Variants in STK3 observed in about 807,000 individuals in gnomAD.
STK3 encodes serine/threonine kinase 3.
Under a neutral mutation model 58.0 loss-of-function variants are expected in STK3, and 41 were observed. The observed-to-expected ratio is 0.71, with a 90% confidence interval of 0.55 to 0.92. STK3 has a LOEUF of 0.92. Among genes scored for constraint, STK3 ranks in the 40% least tolerant of loss-of-function variants. STK3 has a pLI of 0.00. For missense variants in STK3, 479 were observed against 602.7 expected (o/e 0.79, Z 2.15); for synonymous variants, 170 against 191.0 (o/e 0.89, Z 0.91).
intron 6 of STK3, among the ~76,000 whole-genome samples, chr8:98,648,586 A>T (rs911978176): frequency 2.0e-5 from 3 of 152,160 alleles, no homozygotes; most frequent in African/African-American, 7.2e-5. Flanking sequence ...TAACATTTTT[A>T]ATTTTGGATA....
chr8:98,354,016 G>A, the STK3 span, among the ~76,000 whole-genome samples: 4 of 152,174 alleles, frequency 2.6e-5, no homozygotes, highest in African/African-American at 9.7e-5. Context: ...TTTGGGGCAG[G>A]CCTGAGCCTG....
intron 3 of STK3, among the ~76,000 whole-genome samples, chr8:98,842,636 C>A (rs1259586030): frequency 6.6e-6 from 1 of 152,110 alleles, no homozygotes; most frequent in Non-Finnish European, 1.5e-5. Flanking sequence ...CTTGATCACA[C>A]CATTGCACTC....
chr8:98,785,504 G>A (rs978081426), intron 1 of STK3, among the ~76,000 whole-genome samples: 1 of 152,144 alleles, frequency 6.6e-6, no homozygotes, highest in Non-Finnish European at 1.5e-5. Flanking sequence ...CTTGCCACTG[G>A]AGGGTCTGGC....
At chr8:98,697,486 T>G (rs528058336) in intron 6 of STK3, among the ~76,000 whole-genome samples, 2 of 152,246 alleles carry the variant, frequency 1.3e-5, no homozygotes, top group Non-Finnish European at 2.9e-5. Context: ...CTTTCTCTTG[T>G]GGGCATTTAA....
chr8:98,391,185 G>T (rs1817845922), upstream of STK3, among the ~76,000 whole-genome samples: 1 of 152,156 alleles, frequency 6.6e-6, no homozygotes, highest in Non-Finnish European at 1.5e-5. Flanking sequence ...TGCTATTTTT[G>T]TCTTAGCAGG....
chr8:98,905,349 T>C (rs1024361280), intron 1 of STK3: 3 of 982,680 alleles, frequency 3.1e-6, no homozygotes, highest in Admixed American at 3.4e-5. Flanking sequence ...TTTCACGATG[T>C]CACATTCAAT....
At chr8:98,938,687 C>A (rs921885882) in intron 1 of STK3, among the ~76,000 whole-genome samples, 9 of 152,084 alleles carry the variant, frequency 5.9e-5, no homozygotes, top group African/African-American at 2.2e-4. Context: ...CCCTGGCCCA[C>A]CCGTGGTCCC....
chr8:98,711,687 G>A (rs1826461883), intron 4 of STK3, among the ~76,000 whole-genome samples: 1 of 152,196 alleles, frequency 6.6e-6, no homozygotes, highest in African/African-American at 2.4e-5. Flanking sequence ...TGGGGAGAAT[G>A]AAACCAAGTT....
upstream of STK3, among the ~76,000 whole-genome samples, chr8:98,828,244 G>A (rs1453607798): frequency 2.0e-5 from 3 of 151,916 alleles, no homozygotes; most frequent in Non-Finnish European, 4.4e-5. Flanking sequence ...CCAAAGTGCT[G>A]TGATTACAGG....
chr8:98,833,801 A>AG (rs1835639337), intron 3 of STK3, among the ~76,000 whole-genome samples: 1 of 152,090 alleles, frequency 6.6e-6, no homozygotes, highest in East Asian at 1.9e-4. Context: ...TAGTCAGTTG[A>AG]GGGGGGTTAG....
chr8:98,862,622 T>C (rs757495184), intron 3 of STK3, among the ~76,000 whole-genome samples: 1 of 152,240 alleles, frequency 6.6e-6, no homozygotes, highest in Admixed American at 6.5e-5. Context: ...TTTAGAGACA[T>C]TGGAACTCTC....
intron 3 of STK3, chr8:98,427,447 G>A (rs1237358188): frequency 6.6e-6 from 1 of 152,080 alleles, no homozygotes; most frequent in Non-Finnish European, 1.5e-5. Flanking sequence ...GGGGACGCGG[G>A]GGCTGCAGGC....
chr8:98,731,079 G>A (rs925601554), intron 4 of STK3, among the ~76,000 whole-genome samples: 3 of 152,154 alleles, frequency 2.0e-5, no homozygotes, highest in Non-Finnish European at 2.9e-5. Context: ...CTTTGAAGTA[G>A]TTGTACTAAT....
chr8:98,707,414 G>T lies in STK3; in HGVS notation c.352-103C>A, dbSNP rs369204186. 881 of 816,894 alleles carry T rather than the reference G, an allele frequency of 1.1e-3. 5 individuals are homozygous for T. The East Asian group carries it at 0.014, about 13-fold the overall frequency. 50.6% of individuals were successfully genotyped at this position (816,894 alleles called of 1,614,324 possible). On this transcript the variant is annotated intron_variant, in intron 4 of 10. Coordinates refer to ENST00000419617, the MANE Select transcript of STK3 (RefSeq NM_006281.4). The stretch of plus-strand genomic sequence containing the variant: ...TATGTCTTTCCGTGTGTGTGTGTGT[G>T]TTTTTTTTTAAGAGACCCCACTCTG...
At chr8:98,851,103 T>A (rs1481218217) in intron 3 of STK3, among the ~76,000 whole-genome samples, 1 of 152,146 alleles carries the variant, frequency 6.6e-6, no homozygotes, top group East Asian at 1.9e-4. Context: ...CTGAGCTCAA[T>A]GCTCACATTG....
the STK3 span, among the ~76,000 whole-genome samples, chr8:98,360,400 C>G: frequency 7.2e-5 from 11 of 152,208 alleles, no homozygotes; most frequent in African/African-American, 2.7e-4. Flanking sequence ...CTCTGTGTCT[C>G]CATGCCTAGT....
intron 8 of STK3, among the ~76,000 whole-genome samples, chr8:98,557,899 T>C (rs576681634): frequency 4.1e-4 from 63 of 152,226 alleles, no homozygotes; most frequent in Non-Finnish European, 7.4e-4. Flanking sequence ...TTCATCAGTA[T>C]AACAAGCCTA....
chr8:98,770,189 T>A (rs1831211061), intron 2 of STK3, among the ~76,000 whole-genome samples: 1 of 152,146 alleles, frequency 6.6e-6, no homozygotes, highest in South Asian at 2.1e-4. Flanking sequence ...AGACTCTATC[T>A]ACCTCCTGAG....
the STK3 span, among the ~76,000 whole-genome samples, chr8:98,356,647 A>G: frequency 6.6e-6 from 1 of 152,232 alleles, no homozygotes; most frequent in Non-Finnish European, 1.5e-5. Flanking sequence ...ATTTTTCATG[A>G]AGAAGTTATC....
Sources: gnomAD v4.1 joint callset for allele counts (sites outside exome capture counted in the v4.1 genomes callset) on GRCh38, gnomAD v4.1.1 for gene constraint, MANE v1.5 for transcripts, NCBI Gene and HGNC (gene_info 2026-07-23, HGNC 2026-07-21) for gene names.